FOXN3: variants seen among roughly 807,000 people sequenced by gnomAD.
FOXN3 encodes forkhead box protein N3.
Under a neutral mutation model 38.4 loss-of-function variants are expected in FOXN3, and 7 were observed. The observed-to-expected ratio is 0.18, with a 90% CI of 0.10 to 0.34. FOXN3 has a LOEUF of 0.34. FOXN3 is among the 10% of genes least tolerant of loss of function. The pLI is 1.00. For synonymous variants in FOXN3, 230 were observed against 242.2 expected (o/e 0.95, Z 0.47); for missense variants, 456 against 613.4 (o/e 0.74, Z 2.71).
At chr14:89,434,972 A>C (rs555486897) in intron 1 of FOXN3, among the ~76,000 whole-genome samples, 2 of 152,336 alleles carry the variant, frequency 1.3e-5, no homozygotes, top group African/African-American at 4.8e-5. Context: ...GATCAACCTT[A>C]GTCAATTCTG....
intron 3 of FOXN3, among the ~76,000 whole-genome samples, chr14:89,315,072 C>T (rs1022953206): frequency 2.6e-5 from 4 of 151,956 alleles, no homozygotes; most frequent in Non-Finnish European, 4.4e-5. Context: ...TTCTTTGATA[C>T]CAGATCAGCC....
chr14:89,555,708 A>T (rs1895102049), intron 1 of FOXN3, among the ~76,000 whole-genome samples: 1 of 152,192 alleles, frequency 6.6e-6, no homozygotes. Context: ...CCAGGTAAGG[A>T]GGCATAAAAT....
intron 4 of FOXN3, among the ~76,000 whole-genome samples, chr14:89,268,425 C>A (rs1324974977): frequency 6.6e-6 from 1 of 152,200 alleles, no homozygotes; most frequent in Non-Finnish European, 1.5e-5. Flanking sequence ...ATCACCAGTG[C>A]TGTATACTTA....
At position 89,159,112 on chromosome 14, in the gene FOXN3, A is replaced by G. The variant is rs1324979970; in HGVS notation, c.*3302T>C. 1.3e-5 allele frequency: 2 copies of G among 152,686 alleles called. No homozygotes were observed. Among genetic ancestry groups the G allele is most frequent in the African/African-American group, 4.8e-5 (2 of 41,458 alleles). The allele number at this position is 152,686 out of a possible 1,614,324, so 9.5% of individuals were successfully genotyped here. A position where few individuals can be genotyped will look rare whatever the true frequency, so the allele number is the denominator to read the frequency against. On this transcript the variant is annotated 3_prime_UTR_variant, in exon 6 of 6. Transcript: ENST00000557258. ...CTTTCACAAATAGGCTTGTGCTTAA[A>G]TTCTCTACTGCTCTTGGAGGAGGGG...
Position 89,616,353 on chromosome 14 carries a change from C to A in FOXN3, c.-15+2675G>T, listed in dbSNP as rs868128122. Among the ~76,000 whole-genome samples the A allele has an allele frequency of 4.3e-4, 66 of 152,268 alleles. 1 individual carries two copies. Among genetic ancestry groups the A allele is most frequent in the Admixed American group, 2.0e-3 (30 of 15,296 alleles). ...AAACAAAAGCACTCTTCCCCATCCA[C>A]AAAAGAGGAAACTTTTCTATTTAAG... On this transcript the variant is annotated intron_variant, in intron 1 of 6. Coordinates refer to the FOXN3 transcript ENST00000345097.
intron 3 of FOXN3, among the ~76,000 whole-genome samples, chr14:89,343,105 ACT>A (rs1264936655): frequency 1.3e-5 from 2 of 152,190 alleles, no homozygotes; most frequent in African/African-American, 4.8e-5. Context: ...AACGCACAAC[ACT>A]CTGAATAACT....
chr14:89,192,529 G>T (rs1384282460), intron 4 of FOXN3, among the ~76,000 whole-genome samples: 3 of 129,248 alleles, frequency 2.3e-5, no homozygotes, highest in Non-Finnish European at 4.7e-5. Context: ...GTTTATAATA[G>T]TTGTATATAA....
intron 4 of FOXN3, among the ~76,000 whole-genome samples, chr14:89,198,921 T>C (rs1402718507): frequency 1.3e-5 from 2 of 152,262 alleles, no homozygotes; most frequent in Non-Finnish European, 1.5e-5. Flanking sequence ...ACGTCTTTCT[T>C]TTCCTCCTTT....
At chr14:89,571,772 A>G (rs960058578) in intron 1 of FOXN3, among the ~76,000 whole-genome samples, 2 of 152,166 alleles carry the variant, frequency 1.3e-5, no homozygotes, top group Non-Finnish European at 2.9e-5. Context: ...TAGTTTGCCT[A>G]CCCATAAAAT....
intron 5 of FOXN3, among the ~76,000 whole-genome samples, chr14:89,172,748 T>C (rs575311029): frequency 6.6e-6 from 1 of 152,084 alleles, no homozygotes; most frequent in South Asian, 2.1e-4. Context: ...TTCATATCAG[T>C]GGGAAAAAGA....
At chr14:89,462,025 A>C (rs916673079) in intron 1 of FOXN3, among the ~76,000 whole-genome samples, 2 of 152,202 alleles carry the variant, frequency 1.3e-5, no homozygotes, top group African/African-American at 4.8e-5. Flanking sequence ...TGCATTAATA[A>C]ATTATTTCCT....
At position 89,347,983 on chromosome 14, in the gene FOXN3, C is replaced by T. The variant is rs185046011; in HGVS notation, c.680+2689G>A. ...AAAGCAAAAAAGGAAAACAGAGGCA[C>T]GGGTCTACACATCTCAATATTTAGC... On this transcript the variant is annotated intron_variant, in intron 3 of 5. Transcript: ENST00000557258. 3.9e-5 allele frequency among the ~76,000 whole-genome samples: 6 copies of T among 152,016 alleles called. No homozygotes were observed. In the East Asian group the frequency reaches 9.7e-4, roughly 24 times the overall value.
At chr14:89,207,700 G>C (rs1294749988) in intron 4 of FOXN3, among the ~76,000 whole-genome samples, 1 of 152,106 alleles carries the variant, frequency 6.6e-6, no homozygotes, top group African/African-American at 2.4e-5. Context: ...AAGTTTTAAT[G>C]GGGAAAAAAT....
At chr14:89,465,223 GT>G (rs11307971) in intron 1 of FOXN3, among the ~76,000 whole-genome samples, 120,637 of 151,908 alleles carry the variant, frequency 0.79, 48,532 homozygotes, top group East Asian at 0.93. Flanking sequence ...GCATGTCTTT[GT>G]TTTTTTTTGT....
chr14:89,489,566 G>T lies in FOXN3; in HGVS notation c.-14-77076C>A, dbSNP rs1893530273. Among the ~76,000 whole-genome samples the T allele has an allele frequency of 2.0e-5, 3 of 152,148 alleles. No homozygotes were observed. In the South Asian group the frequency reaches 6.2e-4, roughly 32 times the overall value. On this transcript the variant is annotated intron_variant, in intron 1 of 6. Coordinates refer to the FOXN3 transcript ENST00000345097. ...TCCTCTAACCACAATAGAGCATCTA[G>T]TTATGTTTTAGCAGCTCCTGGTGAG...
chr14:89,345,453 CTAA>C (rs1888734667), intron 3 of FOXN3, among the ~76,000 whole-genome samples: 1 of 151,704 alleles, frequency 6.6e-6, no homozygotes, highest in Non-Finnish European at 1.5e-5. Flanking sequence ...CCATATATTA[CTAA>C]TAAGGCACTT....
intron 1 of FOXN3, among the ~76,000 whole-genome samples, chr14:89,544,241 C>G (rs1894843733): frequency 6.6e-6 from 1 of 151,742 alleles, no homozygotes; most frequent in African/African-American, 2.4e-5. Context: ...CGGGGTTTCA[C>G]TGTGTTAGCC....
At chr14:89,273,293 G>A (rs1392423445) in intron 4 of FOXN3, among the ~76,000 whole-genome samples, 2 of 152,142 alleles carry the variant, frequency 1.3e-5, no homozygotes, top group South Asian at 2.1e-4. Flanking sequence ...ATGAGATTAA[G>A]CCCACACACA....
intron 1 of FOXN3, among the ~76,000 whole-genome samples, chr14:89,505,784 A>T (rs1170926866): frequency 6.6e-6 from 1 of 150,830 alleles, no homozygotes; most frequent in African/African-American, 2.4e-5. Flanking sequence ...CAGTCTGGAA[A>T]GTGAGGAGCG....
Sources: allele counts gnomAD v4.1 joint callset (sites outside exome capture counted in the v4.1 genomes callset), GRCh38; gene constraint gnomAD v4.1.1; transcripts MANE v1.5; gene names NCBI Gene and HGNC (gene_info 2026-07-23, HGNC 2026-07-21).